LIPC: variants seen among roughly 807,000 people sequenced by gnomAD.
LIPC encodes lipase C, hepatic type.
A neutral mutation model predicts 50.7 loss-of-function variants in LIPC; 44 were observed. The observed-to-expected ratio is 0.87, with a 90% CI of 0.68 to 1.11. The LOEUF (loss-of-function observed/expected upper bound fraction) is 1.11. Ranked by LOEUF, LIPC falls within the 50% of genes most tolerant of loss-of-function variation. LIPC has a pLI of 0.00. For missense variants in LIPC, 697 were observed against 648.2 expected, an observed-to-expected ratio of 1.08 and a Z score of -0.82; for synonymous variants, 271 against 256.4, an observed-to-expected ratio of 1.06 and a Z score of -0.54.
chr15:58,546,889 G>C (rs1489909795), intron 5 of LIPC, among the ~76,000 whole-genome samples: 1 of 151,986 alleles, frequency 6.6e-6, no homozygotes, highest in Non-Finnish European at 1.5e-5. Context: ...CCACCGCCCA[G>C]GCCTGAGAGA....
intron 1 of LIPC, among the ~76,000 whole-genome samples, chr15:58,521,075 A>G (rs543189359): frequency 1.3e-5 from 2 of 152,278 alleles, no homozygotes; most frequent in Admixed American, 1.3e-4. Flanking sequence ...GAGGGCGGAC[A>G]GAGGCAGGAG....
chr15:58,434,951 C>G (rs1893244127), intron 1 of LIPC: 1 of 152,210 alleles, frequency 6.6e-6, no homozygotes, highest in Non-Finnish European at 1.5e-5. Context: ...ATACGTAACG[C>G]AGTGCCTGAG....
chr15:58,513,255 T>C, intron 1 of LIPC, among the ~76,000 whole-genome samples: 1 of 152,310 alleles, frequency 6.6e-6, no homozygotes, highest in African/African-American at 2.4e-5. Flanking sequence ...TTGATGTGAA[T>C]TTGCAGCCTG....
intron 3 of LIPC, 96 bp from the exon 4 acceptor site, chr15:58,542,438 C>T (rs1377583465): frequency 2.5e-6 from 2 of 812,902 alleles, no homozygotes; most frequent in East Asian, 4.9e-5. Context: ...TCTGAGCAGG[C>T]ACGAAGAACA....
chr15:58,513,109 C>T (rs535938383), intron 1 of LIPC, among the ~76,000 whole-genome samples: 2 of 152,304 alleles, frequency 1.3e-5, no homozygotes, highest in South Asian at 2.1e-4. Flanking sequence ...CAATTACTCA[C>T]GGCCCACAGT....
rs943934672 is a variant in LIPC at position 58,489,229 on chromosome 15, G to T, written c.89-49104G>T. Among the ~76,000 whole-genome samples the T allele has an allele frequency of 7.9e-5, 8 of 101,768 alleles. 3 individuals carry two copies. The South Asian group carries it at 1.0e-3, about 13-fold the overall frequency. 66.8% of individuals were successfully genotyped at this position (101,768 alleles called of 152,430 possible). A position where few individuals can be genotyped will look rare whatever the true frequency, so the allele number is the denominator to read the frequency against. On this transcript the variant is annotated intron_variant, in intron 1 of 8. Coordinates refer to ENST00000299022, the MANE Select transcript of LIPC (RefSeq NM_000236.3). ...ATTCATTTTGTTGCGGGGGCGGGGG[G>T]GCGGCTTACAAGCTTCCCAGGGTTC...
chr15:58,523,796 C>G (rs904308020), intron 1 of LIPC, among the ~76,000 whole-genome samples: 1 of 151,898 alleles, frequency 6.6e-6, no homozygotes, highest in African/African-American at 2.4e-5. Flanking sequence ...TGGAGCAGGG[C>G]TGGTGGCATG....
chr15:58,450,701 G>T (rs998895468), intron 1 of LIPC, among the ~76,000 whole-genome samples: 3 of 152,164 alleles, frequency 2.0e-5, no homozygotes, highest in African/African-American at 4.8e-5. Flanking sequence ...GGAAGGTCAA[G>T]GTACTGAGTA....
At chr15:58,558,969 C>T (rs891620028) in intron 6 of LIPC, among the ~76,000 whole-genome samples, 3 of 152,102 alleles carry the variant, frequency 2.0e-5, no homozygotes, top group Non-Finnish European at 2.9e-5. Context: ...ATACAAAATC[C>T]AAATGGGAAG....
Position 58,535,299 on chromosome 15 carries a change from G to T in LIPC, c.89-3034G>T, listed in dbSNP as rs139164175. On this transcript the variant is annotated intron_variant, in intron 1 of 8. Coordinates refer to ENST00000299022, the MANE Select transcript of LIPC (RefSeq NM_000236.3). ...GCCTCCAACTAGTACCTAGCCAGGG[G>T]GCCTGGGGCATAATACATGCTTAAT... Among the ~76,000 whole-genome samples, 10 of 152,304 alleles carry T rather than the reference G, an allele frequency of 6.6e-5. 1 individual carries two copies. The East Asian group carries it at 1.3e-3, about 21-fold the overall frequency.
At chr15:58,551,084 G>A (rs564811005) in intron 6 of LIPC, among the ~76,000 whole-genome samples, 10 of 152,010 alleles carry the variant, frequency 6.6e-5, no homozygotes, top group South Asian at 2.1e-4. Flanking sequence ...TGATCCACCC[G>A]CCTCTGCCTC....
chr15:58,484,333 C>T (rs1891292540), intron 1 of LIPC, among the ~76,000 whole-genome samples: 2 of 152,226 alleles, frequency 1.3e-5, no homozygotes, highest in Non-Finnish European at 1.5e-5. Context: ...TAGCATTCGT[C>T]CCTGCCCTCA....
intron 1 of LIPC, among the ~76,000 whole-genome samples, chr15:58,466,875 A>G (rs184055105): frequency 8.8e-4 from 134 of 152,302 alleles, no homozygotes; most frequent in African/African-American, 3.1e-3. Flanking sequence ...TGATTTTCAC[A>G]TATCTTCATC....
chr15:58,542,705 C>T (rs1893375991), intron 4 of LIPC, 54 bp downstream of exon 4: 8 of 1,173,680 alleles, frequency 6.8e-6, no homozygotes, highest in African/African-American at 1.5e-5. Context: ...GGGCATCCAA[C>T]AAGGACCTGC....
At chr15:58,481,650 T>C (rs1020727072) in intron 1 of LIPC, among the ~76,000 whole-genome samples, 9 of 151,910 alleles carry the variant, frequency 5.9e-5, no homozygotes, top group Admixed American at 3.9e-4. Flanking sequence ...TAAAAAAATA[T>C]AAAAATTAGC....
intron 1 of LIPC, among the ~76,000 whole-genome samples, chr15:58,469,225 C>G (rs1200309724): frequency 6.6e-6 from 1 of 151,552 alleles, no homozygotes; most frequent in South Asian, 2.1e-4. Flanking sequence ...ACATTGAACT[C>G]CTGGCCCAAG....
chr15:58,459,963 C>T (rs1894280697), intron 1 of LIPC, among the ~76,000 whole-genome samples: 1 of 152,222 alleles, frequency 6.6e-6, no homozygotes, highest in Admixed American at 6.5e-5. Flanking sequence ...TAGCAAGAAC[C>T]TACCTCTCCC....
In LIPC at chr15:58,541,877, G is replaced by A. The variant is rs758840719; in HGVS notation, c.366G>A (p.Trp122Ter). 1.9e-6 allele frequency: 3 copies of A among 1,612,422 alleles called. No individual in the cohort carries two copies. In the Admixed American group the frequency reaches 5.0e-5, roughly 27 times the overall value. Residue 122 changes from tryptophan to a stop codon, truncating the protein, a stop_gained, in exon 3 of 9, where the codon TGG (tryptophan) becomes TGA (stop). Coordinates refer to ENST00000299022, the MANE Select transcript of LIPC (RefSeq NM_000236.3). LOFTEE classifies it high-confidence loss of function. ...AQPVNVGLVDWITLAHDHYTI... is the reference protein window; with the variant it reads ...AQPVNVGLVD ...CAGTGAACGTGGGGCTGGTGGACTG[G>A]ATCACCCTGGCCCACGACCACTACA... is the stretch of plus-strand genomic sequence containing the variant.
At chr15:58,565,258 G>A in intron 8 of LIPC, 1 of 1,535,634 alleles carries the variant, frequency 6.5e-7, no homozygotes, top group Non-Finnish European at 8.7e-7. Flanking sequence ...TGACTCTTTG[G>A]CCCATTGGAG....
Sources: allele counts gnomAD v4.1 joint callset (sites outside exome capture counted in the v4.1 genomes callset), GRCh38; gene constraint gnomAD v4.1.1; transcripts MANE v1.5; gene names NCBI Gene and HGNC (gene_info 2026-07-23, HGNC 2026-07-21).